Variants in PRDM16 observed in about 807,000 individuals in gnomAD.
PRDM16 encodes the protein histone-lysine N-methyltransferase PRDM16.
A neutral mutation model predicts 110.6 loss-of-function variants in PRDM16; 23 were observed. The ratio of observed to expected loss-of-function variants is 0.21; its 90% CI spans 0.15 to 0.29. The LOEUF (loss-of-function observed/expected upper bound fraction) is 0.29. Ranked by LOEUF, PRDM16 falls within the 10% of genes least tolerant of loss-of-function variation. PRDM16 has a pLI of 1.00. For synonymous variants in PRDM16, 799 were observed against 781.8 expected, an observed-to-expected ratio of 1.02 and a Z score of -0.37; for missense variants, 1,615 against 1,794.3, an observed-to-expected ratio of 0.90 and a Z score of 1.81.
intron 1 of PRDM16, among the ~76,000 whole-genome samples, chr1:3,128,204 C>T (rs1396989316): frequency 6.6e-6 from 1 of 152,150 alleles, no homozygotes; most frequent in Non-Finnish European, 1.5e-5. Context: ...ATGACAGACC[C>T]GTGATCTCTC....
intron 14 of PRDM16, among the ~76,000 whole-genome samples, chr1:3,429,062 G>C (rs760930938): frequency 1.3e-5 from 2 of 152,258 alleles, no homozygotes; most frequent in Admixed American, 6.5e-5. Context: ...GAGTGCCAAG[G>C]TTTGCCAAGG....
chr1:3,146,913 TGGG>T (rs140458646), intron 1 of PRDM16, among the ~76,000 whole-genome samples: 21 of 48,426 alleles, frequency 4.3e-4, no homozygotes, highest in African/African-American at 7.9e-4. Context: ...GTGCTCAGTG[TGGG>T]GGGGTGTGTG....
chr1:3,193,755 G>T (rs369266615), intron 2 of PRDM16, among the ~76,000 whole-genome samples: 3 of 152,234 alleles, frequency 2.0e-5, no homozygotes, highest in Admixed American at 6.5e-5. Context: ...GGTCTGTACT[G>T]GGGGAGGGGG....
At chr1:3,083,053 T>C (rs924392403) in intron 1 of PRDM16, among the ~76,000 whole-genome samples, 1 of 152,194 alleles carries the variant, frequency 6.6e-6, no homozygotes, top group African/African-American at 2.4e-5. Flanking sequence ...ATTGCTATTA[T>C]TGTCCTTAGG....
intron 1 of PRDM16, among the ~76,000 whole-genome samples, chr1:3,085,355 C>T (rs1213365299): frequency 6.6e-6 from 1 of 152,188 alleles, no homozygotes; most frequent in African/African-American, 2.4e-5. Flanking sequence ...CCAGCAGGAC[C>T]TGGGGGACTA....
chr1:3,408,569 C>T (rs921313515), intron 8 of PRDM16, among the ~76,000 whole-genome samples: 4 of 128,674 alleles, frequency 3.1e-5, no homozygotes, highest in South Asian at 2.6e-4. Flanking sequence ...TGTGTCGGTG[C>T]GTGTGAGAGC....
At chr1:3,147,168 G>A (rs59549179) in intron 1 of PRDM16, among the ~76,000 whole-genome samples, 2,142 of 147,820 alleles carry the variant, frequency 0.014, 51 homozygotes, top group African/African-American at 0.049. Context: ...GTGTGTGCAC[G>A]CACGTGTGTG....
At chr1:3,385,768 C>G (rs986622083) in intron 4 of PRDM16, among the ~76,000 whole-genome samples, 1 of 152,254 alleles carries the variant, frequency 6.6e-6, no homozygotes, top group Admixed American at 6.5e-5. Flanking sequence ...TCCGGGGCCT[C>G]TGACCAGCCT....
At chr1:3,270,104 TGACAGTCGGAGAGGAG>T (rs1640403912) in intron 3 of PRDM16, among the ~76,000 whole-genome samples, 1 of 133,908 alleles carries the variant, frequency 7.5e-6, no homozygotes, top group Admixed American at 7.4e-5. Context: ...TCAGGGAGGA[TGACAGTCGGAGAGGAG>T]GACAGTCGGG....
At chr1:3,408,855 C>CAT (rs34306698) in intron 8 of PRDM16, among the ~76,000 whole-genome samples, 63,159 of 136,004 alleles carry the variant, frequency 0.46, 14,704 homozygotes, top group African/African-American at 0.65. Flanking sequence ...TGTGAGAGCA[C>CAT]GAGGGTGGGC....
chr1:3,110,625 C>G (rs958395441), intron 1 of PRDM16, among the ~76,000 whole-genome samples: 2 of 152,224 alleles, frequency 1.3e-5, no homozygotes, highest in Admixed American at 1.3e-4. Context: ...TTGGACCTAA[C>G]GTGGGTGTTT....
At chr1:3,406,318 A>G (rs1224904895) in intron 8 of PRDM16, among the ~76,000 whole-genome samples, 1 of 152,014 alleles carries the variant, frequency 6.6e-6, no homozygotes, top group African/African-American at 2.4e-5. Flanking sequence ...GTTCGATGAG[A>G]GGCGTTCCAG....
intron 3 of PRDM16, among the ~76,000 whole-genome samples, chr1:3,304,622 T>G (rs568764927): frequency 1.4e-4 from 21 of 152,278 alleles, no homozygotes; most frequent in Non-Finnish European, 2.6e-4. Flanking sequence ...TGGAGTGCAT[T>G]GCTTTATGTC....
intron 3 of PRDM16, among the ~76,000 whole-genome samples, chr1:3,278,641 C>A (rs774643419): frequency 1.7e-4 from 26 of 152,188 alleles, no homozygotes; most frequent in Non-Finnish European, 3.2e-4. Context: ...CCAGGACACC[C>A]GGCAGCCACA....
At chr1:3,147,020 A>C (rs1338307307) in intron 1 of PRDM16, among the ~76,000 whole-genome samples, 1 of 73,248 alleles carries the variant, frequency 1.4e-5, no homozygotes, top group African/African-American at 6.1e-5. Context: ...GGGTATGCGC[A>C]CGTGTGTGCT....
chr1:3,428,501 C>T (rs532472026), intron 14 of PRDM16, among the ~76,000 whole-genome samples: 2 of 152,330 alleles, frequency 1.3e-5, no homozygotes, highest in South Asian at 4.1e-4. Flanking sequence ...GACTCAGACT[C>T]AGGCCCTCGG....
At chr1:3,276,962 T>G (rs1043469321) in intron 3 of PRDM16, among the ~76,000 whole-genome samples, 1 of 151,886 alleles carries the variant, frequency 6.6e-6, no homozygotes, top group African/African-American at 2.4e-5. Context: ...CGTCTGCCTC[T>G]CGTCCCCGTG....
At position 3,417,949 on chromosome 1, in the gene PRDM16, C is replaced by A. The variant is rs541102613; in HGVS notation, c.2813C>A (p.Thr938Lys). The change falls in exon 11 of 17, where the codon ACG (threonine) becomes AAG (lysine). Residue 938 changes from threonine (T) to lysine (K), a missense_variant. Physicochemically the swap from Thr to Lys is moderately conservative, Grantham distance 78. Transcript: ENST00000270722. Reference sequence around the variant, plus strand: ...TTCAACTTCCGGTCCCCACCCCCAACGCTCTCCGACCCCATCCTCAGGAAG... The same window carrying A: ...TTCAACTTCCGGTCCCCACCCCCAAAGCTCTCCGACCCCATCCTCAGGAAG... ...HPFNFRSPPPTLSDPILRKGK... is the reference protein window; with the variant it reads ...HPFNFRSPPPKLSDPILRKGK... The A allele has an allele frequency of 5.6e-6, 9 of 1,607,556 alleles. No homozygotes were observed. Among genetic ancestry groups the A allele is most frequent in the Non-Finnish European group, 7.7e-6 (9 of 1,176,392 alleles).
At chr1:3,117,950 C>T (rs765451664) in intron 1 of PRDM16, among the ~76,000 whole-genome samples, 8 of 152,252 alleles carry the variant, frequency 5.3e-5, no homozygotes, top group Admixed American at 2.6e-4. Context: ...AAGTTGTGCA[C>T]GTGTGTGTGC....
Sources: gnomAD v4.1 joint callset for allele counts (sites outside exome capture counted in the v4.1 genomes callset) on GRCh38, gnomAD v4.1.1 for gene constraint, MANE v1.5 for transcripts, NCBI Gene and HGNC (gene_info 2026-07-23, HGNC 2026-07-21) for gene names.